Variants in PDE10A observed in about 807,000 individuals in gnomAD.
The protein encoded by PDE10A is phosphodiesterase 10A.
A neutral mutation model predicts 97.7 loss-of-function variants in PDE10A; 39 were observed. The observed-to-expected ratio is 0.40, with a 90% CI of 0.31 to 0.52. The LOEUF (loss-of-function observed/expected upper bound fraction) is 0.52. Ranked by LOEUF, PDE10A falls within the 20% of genes least tolerant of loss-of-function variation. The pLI, the probability that PDE10A is intolerant of heterozygous loss-of-function variation, is 0.56. For missense variants in PDE10A, 731 were observed against 1,047.8 expected (o/e 0.70, Z 4.17); for synonymous variants, 371 against 376.8 (o/e 0.98, Z 0.18).
At position 165,331,352 on chromosome 6, in the gene PDE10A, C is replaced by G. The variant is rs1781331716; in HGVS notation, c.*1673G>C. On this transcript the variant is annotated 3_prime_UTR_variant, in exon 22 of 22. Coordinates refer to ENST00000539869, the MANE Select transcript of PDE10A (RefSeq NM_001385079.1). ...GGGAAGATGGCAACTTTCAGAAGCC[C>G]ACAAGAAAACTGAACACATAGTGTT... 1 of 152,038 alleles carries G rather than the reference C, an allele frequency of 6.6e-6. No individual in the cohort carries two copies. 9.4% of individuals were successfully genotyped at this position (152,038 alleles called of 1,614,324 possible).
At chr6:165,961,983 T>C (rs917943076) in intron 1 of PDE10A, among the ~76,000 whole-genome samples, 1 of 152,190 alleles carries the variant, frequency 6.6e-6, no homozygotes, top group African/African-American at 2.4e-5. Context: ...GCACTTTGCG[T>C]GTGTAATTTC....
intron 1 of PDE10A, among the ~76,000 whole-genome samples, chr6:165,877,974 T>C (rs1436107307): frequency 6.6e-6 from 1 of 152,182 alleles, no homozygotes. Context: ...CACGGGTCTT[T>C]CCAGAGAAAA....
chr6:165,926,725 G>A (rs1164998772), intron 1 of PDE10A, among the ~76,000 whole-genome samples: 1 of 152,100 alleles, frequency 6.6e-6, no homozygotes, highest in Non-Finnish European at 1.5e-5. Context: ...TGTCAGACAG[G>A]CTGGGCTCCA....
chr6:165,625,883 T>C (rs1370172849), intron 1 of PDE10A, among the ~76,000 whole-genome samples: 1 of 152,186 alleles, frequency 6.6e-6, no homozygotes, highest in East Asian at 1.9e-4. Flanking sequence ...TAACTTTCCA[T>C]GAAAACACTG....
intron 2 of PDE10A, among the ~76,000 whole-genome samples, chr6:165,494,453 TGTG>T (rs1419777056): frequency 2.5e-5 from 3 of 122,042 alleles, no homozygotes; most frequent in Admixed American, 1.6e-4. Context: ...ATAAAGAAAA[TGTG>T]GGGGGGGGTG....
intron 1 of PDE10A, among the ~76,000 whole-genome samples, chr6:165,721,917 T>C (rs1156424146): frequency 1.1e-4 from 16 of 152,190 alleles, no homozygotes. Context: ...AACTACTTAT[T>C]ACAGTCCCGC....
intron 2 of PDE10A, among the ~76,000 whole-genome samples, chr6:165,487,124 GC>G (rs1404960956): frequency 3.3e-5 from 5 of 152,330 alleles, no homozygotes; most frequent in African/African-American, 1.2e-4. Context: ...GCTTGAGATG[GC>G]AAATGACAGT....
At chr6:165,905,956 T>G (rs920721026) in intron 1 of PDE10A, among the ~76,000 whole-genome samples, 18 of 150,048 alleles carry the variant, frequency 1.2e-4, no homozygotes, top group African/African-American at 4.4e-4. Context: ...CCTTCTTTCT[T>G]TGTTCCTTTT....
chr6:165,780,259 C>G (rs552220715), intron 1 of PDE10A: 34 of 152,286 alleles, frequency 2.2e-4, no homozygotes, highest in African/African-American at 6.7e-4. Context: ...AAAGGCCAGT[C>G]ATTTTCTTTC....
chr6:165,921,738 C>T (rs573662592), intron 1 of PDE10A, among the ~76,000 whole-genome samples: 1 of 152,292 alleles, frequency 6.6e-6, no homozygotes, highest in Admixed American at 6.5e-5. Context: ...AAACCCACTG[C>T]CATCACAGTG....
intron 1 of PDE10A, among the ~76,000 whole-genome samples, chr6:165,669,097 G>A (rs577273129): frequency 6.6e-6 from 1 of 152,046 alleles, no homozygotes; most frequent in Admixed American, 6.5e-5. Flanking sequence ...TCTACCCAGT[G>A]TCTGCAAGAG....
At chr6:165,666,497 C>G (rs1790499599), upstream of PDE10A, among the ~76,000 whole-genome samples, 1 of 152,152 alleles carries the variant, frequency 6.6e-6, no homozygotes, top group African/African-American at 2.4e-5. Flanking sequence ...CAGACTTTTT[C>G]CATTTAATAG....
At position 165,465,660 on chromosome 6, in the gene PDE10A, G is replaced by A. The variant is rs527505732; in HGVS notation, c.1024-15298C>T. Reference sequence around the variant, plus strand: ...AGTGGAAGGTACCACGTCACAGAGCGGCAGGAGAGAGAATGAGTCCTGAGC... The same window carrying A: ...AGTGGAAGGTACCACGTCACAGAGCAGCAGGAGAGAGAATGAGTCCTGAGC... On this transcript the variant is annotated intron_variant, in intron 3 of 21. Transcript: ENST00000539869. Among the ~76,000 whole-genome samples the A allele has an allele frequency of 2.9e-3, 439 of 152,288 alleles. 2 individuals are homozygous for A. The highest frequency in any genetic ancestry group is 5.2e-3 in the Non-Finnish European group (357 of 68,022).
At chr6:165,849,053 C>A (rs1307620153) in intron 1 of PDE10A, among the ~76,000 whole-genome samples, 1 of 152,230 alleles carries the variant, frequency 6.6e-6, no homozygotes, top group Non-Finnish European at 1.5e-5. Context: ...CCAGGCCACA[C>A]TTCGACCAAT....
At chr6:165,403,926 A>G (rs514500) in intron 13 of PDE10A, among the ~76,000 whole-genome samples, 27,531 of 152,186 alleles carry the variant, frequency 0.18, 2,959 homozygotes, top group African/African-American at 0.29. Flanking sequence ...TTACGGCTGA[A>G]TAATGTTCCA....
At chr6:165,390,471 C>A (rs577685672) in intron 16 of PDE10A, among the ~76,000 whole-genome samples, 2 of 152,008 alleles carry the variant, frequency 1.3e-5, no homozygotes, top group East Asian at 3.9e-4. Flanking sequence ...AGCGGCAGAT[C>A]GGAGCATATT....
chr6:165,689,379 G>T (rs1240796817), intron 1 of PDE10A, among the ~76,000 whole-genome samples: 1 of 152,172 alleles, frequency 6.6e-6, no homozygotes, highest in Non-Finnish European at 1.5e-5. Context: ...GTTAAATGAG[G>T]TTAAATGGAG....
chr6:165,694,688 T>G (rs1010323239), intron 1 of PDE10A, among the ~76,000 whole-genome samples: 1 of 152,246 alleles, frequency 6.6e-6, no homozygotes, highest in Admixed American at 6.5e-5. Context: ...TCTGTCCAGC[T>G]GTAAGCTCCT....
intron 1 of PDE10A, among the ~76,000 whole-genome samples, chr6:165,798,552 A>G (rs1778889154): frequency 6.6e-6 from 1 of 152,186 alleles, no homozygotes. Flanking sequence ...AACTCCGAAA[A>G]CGGTACCTAA....
Sources: gnomAD v4.1 joint callset for allele counts (sites outside exome capture counted in the v4.1 genomes callset) on GRCh38, gnomAD v4.1.1 for gene constraint, MANE v1.5 for transcripts, NCBI Gene and HGNC (gene_info 2026-07-23, HGNC 2026-07-21) for gene names.